The following NKAIN2 variants were observed in gnomAD, a reference collection of about 807,000 sequenced individuals.
The protein encoded by NKAIN2 is sodium/potassium transporting ATPase interacting 2, also known as sodium/potassium-transporting ATPase subunit beta-1-interacting protein 2.
A neutral mutation model predicts 32.6 loss-of-function variants in NKAIN2; 14 were observed. The observed-to-expected ratio is 0.43, with a 90% CI of 0.28 to 0.67. The LOEUF is 0.67. Among genes scored for constraint, NKAIN2 ranks in the 30% least tolerant of loss-of-function variants. The pLI, the probability that NKAIN2 is intolerant of heterozygous loss-of-function variation, is 0.17. For missense variants in NKAIN2, 198 were observed against 258.3 expected, an observed-to-expected ratio of 0.77 and a Z score of 1.60; for synonymous variants, 80 against 87.2, an observed-to-expected ratio of 0.92 and a Z score of 0.46.
chr6:123,963,869 A>G (rs1046376795), intron 1 of NKAIN2, among the ~76,000 whole-genome samples: 2 of 152,196 alleles, frequency 1.3e-5, no homozygotes, highest in African/African-American at 4.8e-5. Flanking sequence ...TTATAATATT[A>G]TGTGTGGTCG....
chr6:124,744,065 T>C (rs927230157), intron 4 of NKAIN2, among the ~76,000 whole-genome samples: 24 of 151,760 alleles, frequency 1.6e-4, no homozygotes, highest in African/African-American at 5.3e-4. Flanking sequence ...AGTAAGAAAA[T>C]TTTTGTTTCT....
chr6:124,005,784 A>G (rs74704280), intron 1 of NKAIN2, among the ~76,000 whole-genome samples: 5,431 of 152,294 alleles, frequency 0.036, 176 homozygotes, highest in African/African-American at 0.084. Flanking sequence ...ACAGTGGTAC[A>G]AGATTCAGAG....
intron 3 of NKAIN2, among the ~76,000 whole-genome samples, chr6:124,570,208 T>A (rs1169515046): frequency 6.6e-6 from 1 of 152,222 alleles, no homozygotes; most frequent in Non-Finnish European, 1.5e-5. Context: ...TATTCCATTT[T>A]AAAAGGGAAA....
chr6:124,339,900 T>C (rs1798049585), intron 2 of NKAIN2, among the ~76,000 whole-genome samples: 1 of 152,144 alleles, frequency 6.6e-6, no homozygotes, highest in Non-Finnish European at 1.5e-5. Context: ...TATGAAAATC[T>C]TCAAATTTAC....
chr6:123,878,106 A>G (rs919978299), intron 1 of NKAIN2, among the ~76,000 whole-genome samples: 3 of 151,962 alleles, frequency 2.0e-5, no homozygotes, highest in African/African-American at 7.2e-5. Context: ...CATGCCTGTA[A>G]TCCCAGCTAC....
intron 4 of NKAIN2, among the ~76,000 whole-genome samples, chr6:124,760,532 G>T (rs1463344967): frequency 1.3e-5 from 2 of 151,744 alleles, no homozygotes; most frequent in Non-Finnish European, 2.9e-5. Context: ...TCTTTCCTCA[G>T]TCCACTCTGG....
chr6:124,080,738 TC>T (rs11291321), intron 1 of NKAIN2, among the ~76,000 whole-genome samples: 29,182 of 151,596 alleles, frequency 0.19, 3,107 homozygotes, highest in East Asian at 0.28. Context: ...GCAAAAACAC[TC>T]CCCCCCTCCA....
intron 1 of NKAIN2, among the ~76,000 whole-genome samples, chr6:124,053,353 T>C (rs570380564): frequency 2.0e-5 from 3 of 151,932 alleles, no homozygotes; most frequent in Non-Finnish European, 4.4e-5. Context: ...TGGAAAACGG[T>C]TGAAAGGAAA....
intron 4 of NKAIN2, among the ~76,000 whole-genome samples, chr6:124,721,870 GTAT>G (rs1406485790): frequency 6.6e-6 from 1 of 152,104 alleles, no homozygotes; most frequent in Non-Finnish European, 1.5e-5. Flanking sequence ...GTATACATCA[GTAT>G]TATTAAGTAG....
intron 3 of NKAIN2, among the ~76,000 whole-genome samples, chr6:124,444,200 T>C (rs1054600041): frequency 2.0e-5 from 3 of 152,096 alleles, no homozygotes; most frequent in Non-Finnish European, 4.4e-5. Flanking sequence ...TAATGAATTA[T>C]GGAATGTACT....
chr6:124,251,454 CAA>C (rs1006198240), intron 1 of NKAIN2, among the ~76,000 whole-genome samples: 1 of 151,726 alleles, frequency 6.6e-6, no homozygotes, highest in African/African-American at 2.4e-5. Context: ...AGCACCACAA[CAA>C]AAAGATTAAT....
rs490794 is a variant in NKAIN2 at position 123,953,144 on chromosome 6, C to G, written c.54+148890C>G. On this transcript the variant is annotated intron_variant, in intron 1 of 6. Coordinates refer to ENST00000368417, the MANE Select transcript of NKAIN2 (RefSeq NM_001040214.3). ...TTCTTATCATTCCTTTGGTTGTTAT[C>G]TGCACCAGTCCTGTCTGTGACTTCC... 6.9e-3 allele frequency among the ~76,000 whole-genome samples: 1,044 copies of G among 152,240 alleles called. 15 individuals are homozygous for G. Among genetic ancestry groups the G allele is most frequent in the African/African-American group, 0.024 (1,001 of 41,526 alleles).
chr6:124,527,848 G>A (rs1779377609), intron 3 of NKAIN2, among the ~76,000 whole-genome samples: 1 of 152,118 alleles, frequency 6.6e-6, no homozygotes, highest in African/African-American at 2.4e-5. Context: ...GGTGAAGGGA[G>A]TTGAAAAGGC....
In NKAIN2 at chr6:124,055,671, C is replaced by G. The variant is rs552942969; in HGVS notation, c.55-227334C>G. Among the ~76,000 whole-genome samples, 13 of 152,110 alleles carry G rather than the reference C, an allele frequency of 8.5e-5. No individual in the cohort carries two copies. The East Asian group carries it at 2.5e-3, about 30-fold the overall frequency. ...TCTAGAATAACACAGAACAGTTCAT[C>G]ACTGTGACCTTCAAGCCCAGGAGAA... On this transcript the variant is annotated intron_variant, in intron 1 of 6. Transcript: ENST00000368417.
At chr6:123,809,999 T>A (rs761887665) in intron 1 of NKAIN2, among the ~76,000 whole-genome samples, 2 of 152,216 alleles carry the variant, frequency 1.3e-5, no homozygotes, top group Non-Finnish European at 2.9e-5. Context: ...TGTTATGCAT[T>A]TAAAAATCTA....
chr6:124,027,222 C>T (rs191017528), intron 1 of NKAIN2, among the ~76,000 whole-genome samples: 1 of 151,654 alleles, frequency 6.6e-6, no homozygotes, highest in Admixed American at 6.6e-5. Flanking sequence ...TCACTGCAAC[C>T]TCCGCCTCCC....
At position 123,813,669 on chromosome 6, in the gene NKAIN2, G is replaced by A. The variant is rs915281192; in HGVS notation, c.54+9415G>A. 4.6e-5 allele frequency among the ~76,000 whole-genome samples: 7 copies of A among 152,062 alleles called. No individual in the cohort carries two copies. The East Asian group carries it at 1.4e-3, about 30-fold the overall frequency. On this transcript the variant is annotated intron_variant, in intron 1 of 6. Transcript: ENST00000368417. ...TCTACTAAAAATACAAAAATTAGCGGGGCATGGTGTTGCGTGCCTGTAGTC... is the reference window on the plus strand; with the variant it reads ...TCTACTAAAAATACAAAAATTAGCGAGGCATGGTGTTGCGTGCCTGTAGTC...
chr6:123,917,878 T>C lies in NKAIN2; in HGVS notation c.54+113624T>C, dbSNP rs1775571062. 2.0e-5 allele frequency among the ~76,000 whole-genome samples: 3 copies of C among 152,260 alleles called. No individual in the cohort carries two copies. The South Asian group carries it at 6.2e-4, about 32-fold the overall frequency. On this transcript the variant is annotated intron_variant, in intron 1 of 6. Transcript: ENST00000368417. Reference sequence around the variant, plus strand: ...TTTAGGAAAAGTAAACTGCAGTGGTTTGTGGAGCCGCTGGACCAGCTTACA... The same window carrying C: ...TTTAGGAAAAGTAAACTGCAGTGGTCTGTGGAGCCGCTGGACCAGCTTACA...
At chr6:124,705,054 T>A (rs1312300742) in intron 4 of NKAIN2, among the ~76,000 whole-genome samples, 1 of 152,034 alleles carries the variant, frequency 6.6e-6, no homozygotes, top group Non-Finnish European at 1.5e-5. Context: ...TGTCATCCAA[T>A]GGCCAAAAGC....
Sources: allele counts gnomAD v4.1 joint callset (sites outside exome capture counted in the v4.1 genomes callset), GRCh38; gene constraint gnomAD v4.1.1; transcripts MANE v1.5; gene names NCBI Gene and HGNC (gene_info 2026-07-23, HGNC 2026-07-21).